Variants in SNX29 observed in about 807,000 individuals in gnomAD.
SNX29 encodes the protein sorting nexin-29.
A neutral mutation model predicts 102.1 loss-of-function variants in SNX29; 78 were observed. The observed-to-expected ratio is 0.76, with a 90% CI of 0.64 to 0.92. SNX29 has a LOEUF of 0.92. SNX29 is among the 40% of genes least tolerant of loss of function. SNX29 has a pLI of 0.00. For synonymous variants in SNX29, 580 were observed against 414.5 expected (o/e 1.40, Z -4.85); for missense variants, 1,280 against 1,061.7 (o/e 1.21, Z -2.86).
chr16:12,456,982 A>G (rs572021134), intron 18 of SNX29, among the ~76,000 whole-genome samples: 1 of 152,280 alleles, frequency 6.6e-6, no homozygotes, highest in East Asian at 1.9e-4. Context: ...TTGCATTGAC[A>G]GAGTTGATTG....
At chr16:12,510,548 C>G (rs935504586) in intron 19 of SNX29, among the ~76,000 whole-genome samples, 4 of 152,086 alleles carry the variant, frequency 2.6e-5, no homozygotes, top group Admixed American at 2.0e-4. Flanking sequence ...TGGCACCGGC[C>G]TGTAGTCCCA....
At chr16:11,987,402 T>TA (rs2055673135) in intron 1 of SNX29, among the ~76,000 whole-genome samples, 1 of 98,266 alleles carries the variant, frequency 1.0e-5, no homozygotes, top group Non-Finnish European at 2.1e-5. Flanking sequence ...TGACTTTTAC[T>TA]CTTTTTTTTT....
chr16:12,237,264 C>G (rs2077964389), intron 14 of SNX29, among the ~76,000 whole-genome samples: 1 of 152,242 alleles, frequency 6.6e-6, no homozygotes, highest in Non-Finnish European at 1.5e-5. Context: ...TGTTTCCTCT[C>G]ATGCACAGCG....
At chr16:12,495,107 A>G (rs2088752178) in intron 19 of SNX29, among the ~76,000 whole-genome samples, 1 of 151,398 alleles carries the variant, frequency 6.6e-6, no homozygotes, top group Non-Finnish European at 1.5e-5. Flanking sequence ...TCCATCCCTC[A>G]CCCTTCCTGG....
chr16:12,543,245 G>A (rs572216077), intron 20 of SNX29, among the ~76,000 whole-genome samples: 117 of 152,302 alleles, frequency 7.7e-4, no homozygotes, highest in African/African-American at 2.6e-3. Context: ...TAGAGATTCT[G>A]AATGATGCAG....
intron 11 of SNX29, among the ~76,000 whole-genome samples, chr16:12,083,466 A>G (rs962273807): frequency 2.0e-4 from 30 of 151,698 alleles, no homozygotes; most frequent in African/African-American, 7.1e-4. Context: ...CTCTGCAGGC[A>G]CATCCTGGTG....
intron 11 of SNX29, among the ~76,000 whole-genome samples, chr16:12,097,677 A>G (rs949161543): frequency 9.2e-5 from 14 of 152,170 alleles, no homozygotes; most frequent in Non-Finnish European, 2.1e-4. Context: ...ACTCTAAGCT[A>G]GGATCAACTT....
chr16:12,556,421 C>T (rs545588771), intron 20 of SNX29: 7 of 152,360 alleles, frequency 4.6e-5, no homozygotes, highest in African/African-American at 1.4e-4. Context: ...CTTCAGATGG[C>T]TACAGATGCT....
In SNX29 at chr16:12,574,135, G is replaced by C. The variant is rs1325446702; in HGVS notation, c.*5506G>C. The C allele has an allele frequency of 2.7e-5, 5 of 183,074 alleles. No homozygotes were observed. The highest frequency in any genetic ancestry group is 5.8e-5 in the Non-Finnish European group (5 of 86,130). 11.3% of individuals were successfully genotyped at this position (183,074 alleles called of 1,614,324 possible). ...CTCTTATGTTAAGGTTTACATAATA[G>C]GATTTTTAAACAAATGTGTTTAATT... On this transcript the variant is annotated 3_prime_UTR_variant, in exon 21 of 21. Transcript: ENST00000566228.
chr16:12,539,983 G>C (rs147914667), intron 20 of SNX29, among the ~76,000 whole-genome samples: 1 of 152,106 alleles, frequency 6.6e-6, no homozygotes, highest in Non-Finnish European at 1.5e-5. Flanking sequence ...TTTTCTTCTA[G>C]TCTTCAGCTT....
At chr16:11,987,643 T>C (rs2150977303) in intron 1 of SNX29, among the ~76,000 whole-genome samples, 1 of 152,204 alleles carries the variant, frequency 6.6e-6, no homozygotes, top group East Asian at 1.9e-4. Flanking sequence ...GATCTGTCTG[T>C]CTTGGCTTCC....
At position 12,222,797 on chromosome 16, in the gene SNX29, G is replaced by A. The variant is rs1028703627; in HGVS notation, c.1678+23114G>A. On this transcript the variant is annotated intron_variant, in intron 14 of 20. Transcript: ENST00000566228. ...TTGGCCAGTCTGTTCTCAAACTCCC[G>A]ACCTCAGGTGATCCGCCCACCTCAG... Among the ~76,000 whole-genome samples, 4 of 152,266 alleles carry A rather than the reference G, an allele frequency of 2.6e-5. No individual in the cohort carries two copies. The East Asian group carries it at 7.7e-4, about 29-fold the overall frequency.
intron 20 of SNX29, chr16:12,546,310 G>GTGCAATTTAC (rs2077602110): frequency 2.0e-5 from 3 of 152,262 alleles, no homozygotes; most frequent in Non-Finnish European, 4.4e-5. Context: ...ACCTGAGACT[G>GTGCAATTTAC]TGCAATTTAC....
At chr16:12,339,861 A>G (rs1395496494) in intron 15 of SNX29, among the ~76,000 whole-genome samples, 1 of 152,128 alleles carries the variant, frequency 6.6e-6, no homozygotes, top group Non-Finnish European at 1.5e-5. Context: ...AAATACACTC[A>G]TTGGCAGGGC....
intron 19 of SNX29, among the ~76,000 whole-genome samples, chr16:12,512,565 T>C (rs1443290311): frequency 1.3e-5 from 2 of 151,412 alleles, no homozygotes; most frequent in Non-Finnish European, 2.9e-5. Context: ...CATTGCTTCT[T>C]CACTTGACTG....
At chr16:12,558,090 TG>T (rs1446985765) in intron 20 of SNX29, among the ~76,000 whole-genome samples, 29 of 152,268 alleles carry the variant, frequency 1.9e-4, no homozygotes, top group African/African-American at 6.7e-4. Context: ...CCATGCAAAG[TG>T]GGGACGGGGC....
At chr16:12,565,838 C>A (rs749007191) in intron 20 of SNX29, among the ~76,000 whole-genome samples, 1 of 152,220 alleles carries the variant, frequency 6.6e-6, no homozygotes, top group East Asian at 1.9e-4. Context: ...CTCCACACCT[C>A]TGCCTCCTCC....
chr16:12,146,511 C>T (rs1425178713), intron 13 of SNX29, among the ~76,000 whole-genome samples: 3 of 152,172 alleles, frequency 2.0e-5, no homozygotes, highest in African/African-American at 7.2e-5. Flanking sequence ...AGTGATCCAC[C>T]CGCCTTGGCC....
At chr16:12,198,426 G>A (rs1423934417) in intron 13 of SNX29, among the ~76,000 whole-genome samples, 1 of 152,124 alleles carries the variant, frequency 6.6e-6, no homozygotes, top group African/African-American at 2.4e-5. Context: ...CTTCTTAAAT[G>A]TGTTCTGATG....
Sources: allele counts gnomAD v4.1 joint callset (sites outside exome capture counted in the v4.1 genomes callset), GRCh38; gene constraint gnomAD v4.1.1; transcripts MANE v1.5; gene names NCBI Gene and HGNC (gene_info 2026-07-23, HGNC 2026-07-21).